Variants in DAB1 observed in about 807,000 individuals in gnomAD.
DAB1 encodes disabled homolog 1.
Under a neutral mutation model 64.6 loss-of-function variants are expected in DAB1, and 15 were observed. The observed-to-expected ratio is 0.23, with a 90% CI of 0.16 to 0.36. DAB1 has a LOEUF of 0.36. Ranked by LOEUF, DAB1 falls within the 10% of genes least tolerant of loss-of-function variation. The pLI, the probability that DAB1 is intolerant of heterozygous loss-of-function variation, is 1.00. For synonymous variants in DAB1, 235 were observed against 251.9 expected (o/e 0.93, Z 0.64); for missense variants, 596 against 706.7 (o/e 0.84, Z 1.78).
intron 4 of DAB1, among the ~76,000 whole-genome samples, chr1:57,094,947 A>G (rs486736): frequency 0.53 from 80,426 of 151,918 alleles, 21,630 homozygotes; most frequent in South Asian, 0.64. Flanking sequence ...CTCTTGCCCT[A>G]TATTACTTGT....
chr1:57,803,713 AC>A (rs1282758712), intron 6 of DAB1, among the ~76,000 whole-genome samples: 3 of 152,168 alleles, frequency 2.0e-5, no homozygotes, highest in Admixed American at 2.0e-4. Context: ...CTAGAACTAG[AC>A]CTTGAAAAAA....
intron 7 of DAB1, among the ~76,000 whole-genome samples, chr1:57,439,418 G>GTTTTTTTTTTTGTTTTTTTTTT: frequency 8.6e-6 from 1 of 116,140 alleles, no homozygotes; most frequent in Non-Finnish European, 1.7e-5. Context: ...TGGTGATGAG[G>GTTTTTTTTTTTGTTTTTTTTTT]TTTTTTCTTT....
chr1:57,560,207 G>A (rs1411043605), intron 7 of DAB1, among the ~76,000 whole-genome samples: 1 of 152,216 alleles, frequency 6.6e-6, no homozygotes, highest in African/African-American at 2.4e-5. Context: ...AACCTCAGTG[G>A]TATATCAGTT....
chr1:57,239,544 C>A (rs1362408307), intron 2 of DAB1, among the ~76,000 whole-genome samples: 1 of 152,144 alleles, frequency 6.6e-6, no homozygotes, highest in African/African-American at 2.4e-5. Flanking sequence ...TGCCTATCTT[C>A]CAGACCTATA....
At chr1:58,339,711 T>C (rs1213869931) in intron 4 of DAB1, among the ~76,000 whole-genome samples, 2 of 152,202 alleles carry the variant, frequency 1.3e-5, no homozygotes, top group Admixed American at 1.3e-4. Context: ...TTTAACCTAT[T>C]GAGCTAAAAC....
At chr1:57,435,563 T>C (rs1406112036) in intron 7 of DAB1, among the ~76,000 whole-genome samples, 1 of 152,200 alleles carries the variant, frequency 6.6e-6, no homozygotes, top group Non-Finnish European at 1.5e-5. Flanking sequence ...TTAAACTTGT[T>C]TGTTAAAAAC....
intron 6 of DAB1, among the ~76,000 whole-genome samples, chr1:57,722,298 T>C (rs1466759205): frequency 6.6e-6 from 1 of 152,216 alleles, no homozygotes; most frequent in African/African-American, 2.4e-5. Flanking sequence ...TCATATGCTC[T>C]AGCTCCATGA....
intron 5 of DAB1, among the ~76,000 whole-genome samples, chr1:58,039,304 T>TC (rs1009685430): frequency 3.3e-5 from 5 of 152,094 alleles, no homozygotes; most frequent in African/African-American, 1.2e-4. Context: ...CAGCCTCTAT[T>TC]CCCCAGAGCC....
rs149545090 is a variant in DAB1, at chr1:57,142,598, T to TCACACACACACA, written c.207+2680_207+2691dup. Among the ~76,000 whole-genome samples the TCACACACACACA allele has an allele frequency of 9.8e-3, 1,404 of 142,782 alleles. 18 individuals are homozygous for TCACACACACACA. Among genetic ancestry groups the TCACACACACACA allele is most frequent in the African/African-American group, 0.026 (1,021 of 38,558 alleles). The allele number at this position is 142,782 out of a possible 152,430, so 93.7% of individuals were successfully genotyped here. A position where few individuals can be genotyped will look rare whatever the true frequency, so the allele number is the denominator to read the frequency against. On this transcript the variant is annotated intron_variant, in intron 3 of 14. Coordinates refer to ENST00000371236, the MANE Select transcript of DAB1 (RefSeq NM_001365792.1). ...GACAGATGGAGCACTTCACTGCAGGTCACACACACACACACACACACACAC... is the reference window on the plus strand; with the variant it reads ...GACAGATGGAGCACTTCACTGCAGGTCACACACACACACACACACACACACACACACACACAC...
intron 2 of DAB1, among the ~76,000 whole-genome samples, chr1:57,272,321 G>A (rs939938455): frequency 6.6e-6 from 1 of 152,180 alleles, no homozygotes; most frequent in Non-Finnish European, 1.5e-5. Context: ...GCTGAAGTGG[G>A]TGTCTCCTGT....
upstream of DAB1, among the ~76,000 whole-genome samples, chr1:57,426,976 G>C (rs1243945837): frequency 6.6e-6 from 1 of 151,562 alleles, no homozygotes; most frequent in African/African-American, 2.4e-5. Flanking sequence ...CCATTCTCCT[G>C]CCTCAGCCTC....
intron 6 of DAB1, among the ~76,000 whole-genome samples, chr1:57,817,234 C>G (rs945228477): frequency 3.9e-5 from 6 of 152,154 alleles, no homozygotes; most frequent in African/African-American, 1.4e-4. Flanking sequence ...TTGGAGGGAG[C>G]TTGGCATTAA....
At chr1:58,544,263 T>C (rs1034610670) in intron 1 of DAB1, among the ~76,000 whole-genome samples, 1 of 152,342 alleles carries the variant, frequency 6.6e-6, no homozygotes, top group African/African-American at 2.4e-5. Context: ...ACTGTATTAT[T>C]ATTCATTCAT....
intron 7 of DAB1, among the ~76,000 whole-genome samples, chr1:57,443,294 T>C (rs1326205219): frequency 1.3e-5 from 2 of 152,140 alleles, no homozygotes; most frequent in African/African-American, 2.4e-5. Context: ...GGGATTGAGA[T>C]AGTATTATGA....
intron 9 of DAB1, among the ~76,000 whole-genome samples, chr1:57,026,376 AG>A (rs761866712): frequency 2.0e-5 from 3 of 152,230 alleles, no homozygotes; most frequent in Non-Finnish European, 2.9e-5. Flanking sequence ...AGATAAAGGC[AG>A]GGAGGCAATC....
chr1:58,535,794 A>G (rs1190729560), intron 1 of DAB1, among the ~76,000 whole-genome samples: 1 of 152,154 alleles, frequency 6.6e-6, no homozygotes, highest in Non-Finnish European at 1.5e-5. Context: ...TATACTTTCC[A>G]AAGAGGTAAG....
chr1:58,495,758 G>GT (rs1048053179), intron 3 of DAB1, among the ~76,000 whole-genome samples: 53 of 152,002 alleles, frequency 3.5e-4, no homozygotes, highest in African/African-American at 1.3e-3. Flanking sequence ...TAGTTCCACT[G>GT]TTTTTTGTTT....
At chr1:57,076,342 A>T (rs1440947574) in intron 4 of DAB1, among the ~76,000 whole-genome samples, 1 of 152,104 alleles carries the variant, frequency 6.6e-6, no homozygotes, top group African/African-American at 2.4e-5. Flanking sequence ...TCTTGGGAAA[A>T]CTTAGTCTAG....
chr1:57,073,568 G>A (rs1291584803), intron 4 of DAB1, among the ~76,000 whole-genome samples: 4 of 152,106 alleles, frequency 2.6e-5, no homozygotes, highest in Admixed American at 2.6e-4. Flanking sequence ...CTTATGGTAT[G>A]TTTAAAGTCC....
Sources: gnomAD v4.1 joint callset for allele counts (sites outside exome capture counted in the v4.1 genomes callset) on GRCh38, gnomAD v4.1.1 for gene constraint, MANE v1.5 for transcripts, NCBI Gene and HGNC (gene_info 2026-07-23, HGNC 2026-07-21) for gene names.